Variants in MACROD2 observed in about 807,000 individuals in gnomAD.
MACROD2 encodes ADP-ribose glycohydrolase MACROD2.
A neutral mutation model predicts 70.4 loss-of-function variants in MACROD2; 36 were observed. The ratio of observed to expected loss-of-function variants is 0.51; its 90% CI spans 0.39 to 0.68. The LOEUF (loss-of-function observed/expected upper bound fraction) is 0.68, where lower values mean the gene tolerates loss of function less well. Among genes scored for constraint, MACROD2 ranks in the 30% least tolerant of loss-of-function variants. The pLI, the probability that MACROD2 is intolerant of heterozygous loss-of-function variation, is 0.00. For missense variants in MACROD2, 496 were observed against 538.4 expected (o/e 0.92, Z 0.78); for synonymous variants, 172 against 178.8 (o/e 0.96, Z 0.30).
chr20:15,756,470 G>A (rs1327001603), intron 8 of MACROD2, among the ~76,000 whole-genome samples: 2 of 152,032 alleles, frequency 1.3e-5, no homozygotes, highest in Non-Finnish European at 2.9e-5. Context: ...CCCTAAGCAG[G>A]AGTAAAATAA....
intron 5 of MACROD2, among the ~76,000 whole-genome samples, chr20:15,018,909 T>C (rs2075142400): frequency 6.6e-6 from 1 of 152,216 alleles, no homozygotes; most frequent in Non-Finnish European, 1.5e-5. Context: ...CCTCCTTTGC[T>C]TTCTACCATG....
intron 5 of MACROD2, among the ~76,000 whole-genome samples, chr20:14,691,966 A>G (rs557668072): frequency 6.6e-6 from 1 of 152,306 alleles, no homozygotes; most frequent in South Asian, 2.1e-4. Context: ...TTTTATTTGA[A>G]TCTATTTCTC....
chr20:15,463,088 T>G (rs2046840072), intron 7 of MACROD2, among the ~76,000 whole-genome samples: 1 of 152,172 alleles, frequency 6.6e-6, no homozygotes, highest in Non-Finnish European at 1.5e-5. Context: ...TTCATACACA[T>G]AGGAATTCTC....
intron 9 of MACROD2, among the ~76,000 whole-genome samples, chr20:15,883,238 A>C (rs889544584): frequency 2.0e-5 from 3 of 151,992 alleles, no homozygotes; most frequent in African/African-American, 7.2e-5. Flanking sequence ...ACTCTTTTTT[A>C]TCTCTCTCTC....
intron 3 of MACROD2, among the ~76,000 whole-genome samples, chr20:14,313,062 T>C (rs1301301011): frequency 6.6e-6 from 1 of 152,236 alleles, no homozygotes; most frequent in Non-Finnish European, 1.5e-5. Context: ...CACTTTGGTG[T>C]GTACATTAAA....
chr20:15,991,925 A>G (rs1035261334), intron 15 of MACROD2, among the ~76,000 whole-genome samples: 1 of 152,192 alleles, frequency 6.6e-6, no homozygotes, highest in Non-Finnish European at 1.5e-5. Flanking sequence ...TGAACATAAA[A>G]ATTATAAAGT....
chr20:15,824,223 A>G (rs2063972038), intron 8 of MACROD2, among the ~76,000 whole-genome samples: 2 of 151,932 alleles, frequency 1.3e-5, no homozygotes. Flanking sequence ...CCACTGATAA[A>G]TCACATATCT....
At chr20:14,305,283 A>G (rs2082510324) in intron 3 of MACROD2, among the ~76,000 whole-genome samples, 2 of 152,118 alleles carry the variant, frequency 1.3e-5, no homozygotes, top group Admixed American at 1.3e-4. Context: ...CACAGAATGT[A>G]TCATTTATTT....
intron 3 of MACROD2, among the ~76,000 whole-genome samples, chr20:14,103,634 T>C: frequency 6.6e-6 from 1 of 152,232 alleles, no homozygotes; most frequent in East Asian, 1.9e-4. Context: ...TCAGTGTTTA[T>C]GCTTCTGGTT....
At chr20:14,645,193 CT>C (rs1191159778) in intron 4 of MACROD2, among the ~76,000 whole-genome samples, 1 of 151,970 alleles carries the variant, frequency 6.6e-6, no homozygotes, top group Non-Finnish European at 1.5e-5. Context: ...AGTATATTAT[CT>C]AAATGCATCT....
intron 4 of MACROD2, among the ~76,000 whole-genome samples, chr20:14,683,175 G>A (rs751712665): frequency 2.0e-5 from 3 of 152,002 alleles, no homozygotes; most frequent in South Asian, 2.1e-4. Flanking sequence ...CACTGTGCCC[G>A]GCCTTTATTT....
intron 7 of MACROD2, among the ~76,000 whole-genome samples, chr20:15,468,745 A>G (rs1187721605): frequency 6.6e-6 from 1 of 152,174 alleles, no homozygotes; most frequent in East Asian, 1.9e-4. Flanking sequence ...TCAAAAGGCC[A>G]TGCTCTAAGC....
intron 5 of MACROD2, among the ~76,000 whole-genome samples, chr20:15,130,301 G>A (rs529607657): frequency 6.7e-4 from 101 of 151,842 alleles, no homozygotes; most frequent in South Asian, 1.9e-3. Context: ...AAAAACTCCC[G>A]ATCGTCAATG....
chr20:15,263,530 T>C (rs2077267297), intron 6 of MACROD2, among the ~76,000 whole-genome samples: 1 of 152,098 alleles, frequency 6.6e-6, no homozygotes, highest in African/African-American at 2.4e-5. Context: ...TTTGGTTCTA[T>C]ATAATTTTTA....
chr20:15,967,478 A>G (rs1255434562), intron 12 of MACROD2, 75 bp from the exon 13 acceptor site: 5 of 1,120,450 alleles, frequency 4.5e-6, no homozygotes, highest in African/African-American at 1.6e-5. Flanking sequence ...ACATAAATCT[A>G]TCATGTTAGT....
intron 9 of MACROD2, among the ~76,000 whole-genome samples, chr20:15,872,417 G>A (rs868294911): frequency 6.6e-6 from 1 of 152,142 alleles, no homozygotes; most frequent in African/African-American, 2.4e-5. Flanking sequence ...AGAGACAAAA[G>A]CATCTATGGT....
intron 5 of MACROD2, among the ~76,000 whole-genome samples, chr20:15,077,937 G>T (rs2075671430): frequency 6.6e-6 from 1 of 152,068 alleles, no homozygotes; most frequent in South Asian, 2.1e-4. Context: ...GGCTGGGGGA[G>T]GGGGAGGCAT....
intron 6 of MACROD2, among the ~76,000 whole-genome samples, chr20:15,365,516 C>A (rs1479015888): frequency 6.6e-6 from 1 of 151,972 alleles, no homozygotes; most frequent in Non-Finnish European, 1.5e-5. Flanking sequence ...AGAAAATTAG[C>A]CGGGCATGGT....
At chr20:15,004,264 T>C (rs913664139) in intron 5 of MACROD2, among the ~76,000 whole-genome samples, 1 of 152,216 alleles carries the variant, frequency 6.6e-6, no homozygotes, top group African/African-American at 2.4e-5. Flanking sequence ...TGGGAAATAA[T>C]TAGCTTCTCT....
Sources: allele counts gnomAD v4.1 joint callset (sites outside exome capture counted in the v4.1 genomes callset), GRCh38; gene constraint gnomAD v4.1.1; transcripts MANE v1.5; gene names NCBI Gene and HGNC (gene_info 2026-07-23, HGNC 2026-07-21).